Variants in OTOGL observed in about 807,000 individuals in gnomAD.
OTOGL encodes the protein otogelin-like protein.
In OTOGL, 285 loss-of-function variants were observed where a neutral mutation model predicts 318.5. The observed-to-expected ratio is 0.89, with a 90% CI of 0.81 to 0.99. The LOEUF (loss-of-function observed/expected upper bound fraction) is 0.99. Among genes scored for constraint, OTOGL ranks in the 50% least tolerant of loss-of-function variants. The pLI, the probability that OTOGL is intolerant of heterozygous loss-of-function variation, is 0.00. For synonymous variants in OTOGL, 987 were observed against 936.5 expected (o/e 1.05, Z -0.99); for missense variants, 2,899 against 2,845.6 (o/e 1.02, Z -0.43).
At chr12:80,108,040 C>G (rs909422869) in intron 1 of OTOGL, among the ~76,000 whole-genome samples, 1 of 152,012 alleles carries the variant, frequency 6.6e-6, no homozygotes. Flanking sequence ...TACACCAAAC[C>G]CCATGACACG....
At chr12:80,328,973 A>C in intron 36 of OTOGL, 78 bp from the exon 37 acceptor site, 2 of 1,309,214 alleles carry the variant, frequency 1.5e-6, no homozygotes, top group Non-Finnish European at 2.1e-6. Context: ...CCTTGAAGCT[A>C]AAGAGTCCTC....
intron 1 of OTOGL, among the ~76,000 whole-genome samples, chr12:80,147,956 C>T (rs1180613809): frequency 6.6e-5 from 10 of 152,038 alleles, no homozygotes; most frequent in East Asian, 3.9e-4. Flanking sequence ...TGTCTCTGCA[C>T]GTGAGATGGG....
At chr12:80,244,868 G>A (rs1880727583) in intron 11 of OTOGL, among the ~76,000 whole-genome samples, 1 of 144,998 alleles carries the variant, frequency 6.9e-6, no homozygotes, top group Admixed American at 6.7e-5. Context: ...TCTAACTGGT[G>A]TGAGATGATA....
intron 1 of OTOGL, among the ~76,000 whole-genome samples, chr12:80,108,953 T>TATATATATATATAC (rs1555268625): frequency 7.0e-6 from 1 of 142,742 alleles, no homozygotes; most frequent in African/African-American, 2.6e-5. Context: ...TATATATATA[T>TATATATATATATAC]ACACACACAC....
At chr12:80,235,207 G>A (rs1463525696) in intron 9 of OTOGL, among the ~76,000 whole-genome samples, 1 of 152,016 alleles carries the variant, frequency 6.6e-6, no homozygotes, top group Non-Finnish European at 1.5e-5. Context: ...GCTCACTTCT[G>A]TAATCCCAGC....
At chr12:80,349,177 G>C (rs753785762) in intron 44 of OTOGL, among the ~76,000 whole-genome samples, 1 of 151,942 alleles carries the variant, frequency 6.6e-6, no homozygotes, top group Non-Finnish European at 1.5e-5. Flanking sequence ...AGTGTAATTC[G>C]GGAGCTCAGA....
chr12:80,343,162 C>A (rs113605635), intron 44 of OTOGL, among the ~76,000 whole-genome samples: 10 of 152,036 alleles, frequency 6.6e-5, no homozygotes, highest in African/African-American at 2.4e-4. Flanking sequence ...AGTGAGCCAC[C>A]GTGCCCGGCC....
intron 55 of OTOGL, 23 bp downstream of exon 55, chr12:80,368,332 C>T: frequency 1.3e-6 from 2 of 1,522,604 alleles, no homozygotes; most frequent in Non-Finnish European, 9.0e-7. Context: ...GAGAGTAATG[C>T]TCTGTGCTAT....
In OTOGL at chr12:80,358,651, C is replaced by A; in HGVS notation, c.6122-20C>A. The A allele has an allele frequency of 3.2e-6, 5 of 1,541,482 alleles. No homozygotes were observed. Among genetic ancestry groups the A allele is most frequent in the Non-Finnish European group, 4.5e-6 (5 of 1,118,210 alleles). On this transcript the variant is annotated intron_variant, in intron 50 of 58. Transcript: ENST00000547103. ...CAACTCTATAAAATTCATCTTTACC[C>A]ATGTAATTTTTCTTTTTAGTATGTG...
At chr12:80,108,117 G>A (rs866670512) in intron 1 of OTOGL, among the ~76,000 whole-genome samples, 1 of 151,986 alleles carries the variant, frequency 6.6e-6, no homozygotes, top group Non-Finnish European at 1.5e-5. Flanking sequence ...AAAGAAATAA[G>A]ACTTTTGTAA....
At chr12:80,169,656 T>C (rs1001683404) in intron 1 of OTOGL, among the ~76,000 whole-genome samples, 1 of 152,180 alleles carries the variant, frequency 6.6e-6, no homozygotes, top group Non-Finnish European at 1.5e-5. Flanking sequence ...AATCTTTCCT[T>C]TTGATGTTCC....
intron 1 of OTOGL, among the ~76,000 whole-genome samples, chr12:80,192,437 C>T (rs1875758415): frequency 1.3e-5 from 2 of 152,234 alleles, no homozygotes; most frequent in South Asian, 4.1e-4. Context: ...CCTTTCTTTG[C>T]TCTCACCGTG....
At chr12:80,261,905 A>G in intron 18 of OTOGL, 64 bp from the exon 19 acceptor site, 1 of 1,528,304 alleles carries the variant, frequency 6.5e-7, no homozygotes, top group Non-Finnish European at 8.9e-7. Flanking sequence ...TTATTTAAAT[A>G]TCTGAAGGTT....
chr12:80,190,897 A>G (rs886285670), intron 1 of OTOGL, among the ~76,000 whole-genome samples: 1 of 150,788 alleles, frequency 6.6e-6, no homozygotes, highest in Admixed American at 6.6e-5. Flanking sequence ...TTTGTAGTTC[A>G]TGCTTTTCCC....
intron 52 of OTOGL, among the ~76,000 whole-genome samples, chr12:80,362,493 A>G (rs1240683788): frequency 6.6e-6 from 1 of 152,140 alleles, no homozygotes; most frequent in East Asian, 1.9e-4. Flanking sequence ...AAATTTGAGG[A>G]TTGTTTTATC....
At chr12:80,155,913 C>T (rs1873084803) in intron 1 of OTOGL, among the ~76,000 whole-genome samples, 1 of 152,204 alleles carries the variant, frequency 6.6e-6, no homozygotes, top group East Asian at 1.9e-4. Context: ...GCATGATGAC[C>T]TCCAGTTACG....
chr12:80,290,595 T>A (rs1490091560), intron 26 of OTOGL, among the ~76,000 whole-genome samples: 1 of 152,232 alleles, frequency 6.6e-6, no homozygotes, highest in African/African-American at 2.4e-5. Flanking sequence ...TCATTACTGT[T>A]AAAGATGTTT....
chr12:80,156,595 A>C (rs74950978), intron 1 of OTOGL, among the ~76,000 whole-genome samples: 1 of 152,124 alleles, frequency 6.6e-6, no homozygotes, highest in Non-Finnish European at 1.5e-5. Context: ...AGTCTTTCCC[A>C]TGCTGTTCTA....
chr12:80,232,743 A>ATGGTTGC, intron 8 of OTOGL, 149 bp from the exon 9 acceptor site: 1 of 698,974 alleles, frequency 1.4e-6, no homozygotes, highest in South Asian at 2.0e-5. Context: ...TTTCCAGAGG[A>ATGGTTGC]TGGTTGCTTT....
Sources: allele counts gnomAD v4.1 joint callset (sites outside exome capture counted in the v4.1 genomes callset), GRCh38; gene constraint gnomAD v4.1.1; transcripts MANE v1.5; gene names NCBI Gene and HGNC (gene_info 2026-07-23, HGNC 2026-07-21).